The following KRT79 variants were observed in gnomAD, a reference collection of about 807,000 sequenced individuals.
KRT79 encodes the protein keratin 79.
KRT79 carries 51 observed loss-of-function variants against 49.0 expected under a neutral mutation model. The observed-to-expected ratio is 1.04, with a 90% CI of 0.83 to 1.31. The LOEUF is 1.31. KRT79 is among the 40% of genes most tolerant of loss of function. The pLI is 0.00. For missense variants in KRT79, 728 were observed against 688.0 expected (o/e 1.06, Z -0.65); for synonymous variants, 312 against 286.6 (o/e 1.09, Z -0.90).
intron 2 of KRT79, 75 bp downstream of exon 2, chr12:52,831,330 TG>T: frequency 7.1e-7 from 1 of 1,408,706 alleles, no homozygotes; most frequent in Non-Finnish European, 1.0e-6. Flanking sequence ...ACCCTGGGAA[TG>T]GGGTGGCCCT....
chr12:52,822,246 G>T (rs1295987763), intron 8 of KRT79, 99 bp downstream of exon 8: 2 of 1,371,476 alleles, frequency 1.5e-6, no homozygotes, highest in South Asian at 2.5e-5. Context: ...GGCTCGAATG[G>T]AGGAGAGCAT....
intron 7 of KRT79, 24 bp downstream of exon 7, chr12:52,822,991 TG>T: frequency 6.2e-7 from 1 of 1,608,010 alleles, no homozygotes; most frequent in Non-Finnish European, 8.5e-7. Context: ...CCCAGCTTTC[TG>T]GGTCGGGCAG....
rs1446568524 is a variant in KRT79 at position 52,834,171 on chromosome 12, G to A, written c.90C>T (p.Arg30=). ...SASGGSGSQA[R]TSFSSVTVSR... ...ACACCGTCACTGAGCTGAAGCTGGT[G>A]CGGGCCTGGGACCCACTCCCTCCGC... Residue 30 remains arginine (R), a synonymous_variant, in exon 1 of 9, where the codon CGC becomes CGT. Transcript: ENST00000330553. The A allele has an allele frequency of 6.2e-7, 1 of 1,613,726 alleles. No individual in the cohort carries two copies. The highest frequency in any genetic ancestry group is 2.2e-5 in the East Asian group (1 of 44,848).
chr12:52,822,893 C>T (rs1032719428), intron 7 of KRT79, 123 bp downstream of exon 7: 10 of 911,272 alleles, frequency 1.1e-5, no homozygotes, highest in Admixed American at 8.5e-5. Flanking sequence ...TTTCCCCCCG[C>T]GTGAGTCAGG....
At chr12:52,824,619 T>C (rs1940151941) in intron 4 of KRT79, among the ~76,000 whole-genome samples, 1 of 152,226 alleles carries the variant, frequency 6.6e-6, no homozygotes, top group South Asian at 2.1e-4. Context: ...GTAAAGAGAA[T>C]GTGTACTCTC....
At position 52,821,857 on chromosome 12, in the gene KRT79, TG is replaced by T. The variant is rs1468123543; in HGVS notation, c.*14del. The T allele has an allele frequency of 1.2e-6, 2 of 1,611,652 alleles. No individual in the cohort carries two copies. The highest frequency in any genetic ancestry group is 1.7e-6 in the Non-Finnish European group (2 of 1,178,648). ...GCAGGGACAGGATTGCAGGGGCCCTTGCAGGGCTCAGCAGCTAATACCTCTG... is the reference window on the plus strand; with the variant it reads ...GCAGGGACAGGATTGCAGGGGCCCTTCAGGGCTCAGCAGCTAATACCTCTG... On this transcript the variant is annotated 3_prime_UTR_variant, in exon 9 of 9. Transcript: ENST00000330553.
chr12:52,822,534 G>A (rs1220226352), intron 7 of KRT79, among the ~76,000 whole-genome samples, 155 bp from the exon 8 acceptor site: 5 of 152,192 alleles, frequency 3.3e-5, no homozygotes, highest in African/African-American at 1.2e-4. Context: ...GCTGTGCCCA[G>A]GTCCAAAAGC....
At chr12:52,830,522 T>C in intron 2 of KRT79, 1 of 546,248 alleles carries the variant, frequency 1.8e-6, no homozygotes. Context: ...TGTGCAATAA[T>C]ATGGCAATCA....
intron 4 of KRT79, 55 bp from the exon 5 acceptor site, chr12:52,824,417 A>G: frequency 1.3e-6 from 2 of 1,578,996 alleles, no homozygotes; most frequent in South Asian, 2.3e-5. Context: ...CCCAGGAAGC[A>G]TCAGAGGGTG....
Position 52,821,675 on chromosome 12 carries a change from C to T in KRT79, c.*197G>A. ...AAGCTGGCAACTTTAACCTTCCCTC[C>T]CATCCTACTGCAGGACCAAGGAGAA... is the stretch of plus-strand genomic sequence containing the variant. On this transcript the variant is annotated 3_prime_UTR_variant, in exon 9 of 9. Coordinates refer to ENST00000330553, the MANE Select transcript of KRT79 (RefSeq NM_175834.3). The T allele has an allele frequency of 1.7e-6, 1 of 605,360 alleles. No individual in the cohort carries two copies. The highest frequency in any genetic ancestry group is 2.0e-5 in the South Asian group (1 of 50,638). The allele number at this position is 605,360 out of a possible 1,614,324, so 37.5% of individuals were successfully genotyped here.
At chr12:52,822,109 C>T (rs368633554) in intron 8 of KRT79, 32 bp from the exon 9 acceptor site, 45 of 1,607,940 alleles carry the variant, frequency 2.8e-5, no homozygotes, top group Non-Finnish European at 2.5e-5. Context: ...TTAGTCAGGG[C>T]GGCCATGCCA....
Position 52,822,027 on chromosome 12 carries a change from C to T in KRT79, c.1453G>A (p.Gly485Arg). Residue 485 changes from glycine (G) to arginine (R), a missense_variant, in exon 9 of 9, where the codon GGA becomes AGA. By Grantham distance (125) the Gly-to-Arg change is moderately radical. Transcript: ENST00000330553. ...TVCGGGAASF[G>R]GGISLGGSGG... ...CTCCCACCCAGGGAGATGCCACCTC[C>T]AAAGCTGGCTGCGCCACCTCCGCAC... 3 of 1,614,134 alleles carry T rather than the reference C, an allele frequency of 1.9e-6. No individual in the cohort carries two copies. Among genetic ancestry groups the T allele is most frequent in the Non-Finnish European group, 2.5e-6 (3 of 1,180,054 alleles).
At position 52,834,087 on chromosome 12, in the gene KRT79, G is replaced by A. The variant is rs1221636965; in HGVS notation, c.174C>T (p.Gly58=). 4 of 1,613,278 alleles carry A rather than the reference G, an allele frequency of 2.5e-6. No homozygotes were observed. In the South Asian group the frequency reaches 4.4e-5, roughly 18 times the overall value. Residue 58 remains glycine, a synonymous_variant, in exon 1 of 9, where the codon GGC becomes GGT. Coordinates refer to ENST00000330553, the MANE Select transcript of KRT79 (RefSeq NM_175834.3). The stretch of plus-strand genomic sequence containing the variant: ...CCCCCAAGTTATAGAGGCTTCGGCT[G>A]CCAAAGCCACCTGTGCCGGGGCCAC... ...AHCGPGTGGF[G]SRSLYNLGGH... is the part of the protein sequence containing the mutation.
chr12:52,824,460 C>G (rs1940149781), intron 4 of KRT79, 98 bp from the exon 5 acceptor site: 2 of 1,258,734 alleles, frequency 1.6e-6, no homozygotes, highest in Non-Finnish European at 2.2e-6. Flanking sequence ...CATCAGGAGG[C>G]CTGTGCTCTT....
chr12:52,830,176 A>G (rs1380438875), intron 3 of KRT79, 56 bp downstream of exon 3: 1 of 1,612,628 alleles, frequency 6.2e-7, no homozygotes, highest in East Asian at 2.2e-5. Flanking sequence ...CTCTCCCCGA[A>G]TCAGCCCAGT....
chr12:52,831,722 C>T lies in KRT79; in HGVS notation c.478-96G>A, dbSNP rs111574705. The T allele has an allele frequency of 4.2e-6, 4 of 961,808 alleles. No individual in the cohort carries two copies. The African/African-American group carries it at 4.8e-5, about 12-fold the overall frequency. The allele number at this position is 961,808 out of a possible 1,614,324, so 59.6% of individuals were successfully genotyped here. The stretch of plus-strand genomic sequence containing the variant: ...TGCCACCTCCCCTCCAAGGCCAGGG[C>T]AACATAGGGACGCTGCAGCCGCACC... On this transcript the variant is annotated intron_variant, in intron 1 of 8. Coordinates refer to ENST00000330553, the MANE Select transcript of KRT79 (RefSeq NM_175834.3).
At chr12:52,832,709 G>A (rs998548061) in intron 1 of KRT79, among the ~76,000 whole-genome samples, 4 of 152,152 alleles carry the variant, frequency 2.6e-5, no homozygotes, top group African/African-American at 9.7e-5. Context: ...TGCCCTGGGA[G>A]CATCATGCAG....
rs762454562 is a variant in KRT79 at position 52,823,869 on chromosome 12, C to A, written c.1146+18G>T. On this transcript the variant is annotated intron_variant, in intron 6 of 8. Transcript: ENST00000330553. Reference sequence around the variant, plus strand: ...CCAACACCTAGGCCAGACCCCCAAGCCCCCAGTAGAGTCCCACCTGCTTCT... The same window carrying A: ...CCAACACCTAGGCCAGACCCCCAAGACCCCAGTAGAGTCCCACCTGCTTCT... The A allele has an allele frequency of 1.2e-6, 2 of 1,606,714 alleles. No homozygotes were observed. Among genetic ancestry groups the A allele is most frequent in the Non-Finnish European group, 8.5e-7 (1 of 1,177,412 alleles).
chr12:52,824,340 T>A lies in KRT79; in HGVS notation c.878A>T (p.His293Leu). ...CAGCACCACATTGGTGTTAGACACG[T>A]GGGTCTGCACTTGGCTCAGCTCCTG... Reference protein sequence around the residue: ...YEMELSQVQTHVSNTNVVLSM... With the variant: ...YEMELSQVQTLVSNTNVVLSM... Residue 293 changes from histidine to leucine, a missense_variant, in exon 5 of 9, where the codon CAC becomes CTC. His to Leu is a moderately conservative substitution (Grantham distance 99). Coordinates refer to ENST00000330553, the MANE Select transcript of KRT79 (RefSeq NM_175834.3). 6.2e-7 allele frequency: 1 copy of A among 1,614,164 alleles called. No individual in the cohort carries two copies. The highest frequency in any genetic ancestry group is 8.5e-7 in the Non-Finnish European group (1 of 1,180,012).
Sources: allele counts gnomAD v4.1 joint callset (sites outside exome capture counted in the v4.1 genomes callset), GRCh38; gene constraint gnomAD v4.1.1; transcripts MANE v1.5; gene names NCBI Gene and HGNC (gene_info 2026-07-23, HGNC 2026-07-21).